Variants in KCNQ1 observed in about 807,000 individuals in gnomAD.
KCNQ1 encodes potassium voltage-gated channel subfamily KQT member 1.
Under a neutral mutation model 72.4 loss-of-function variants are expected in KCNQ1, and 49 were observed. The ratio of observed to expected loss-of-function variants is 0.68; its 90% CI spans 0.54 to 0.86. The LOEUF is 0.86. KCNQ1 is among the 40% of genes least tolerant of loss of function. KCNQ1 has a pLI of 0.00. For synonymous variants in KCNQ1, 450 were observed against 412.6 expected (o/e 1.09, Z -1.10); for missense variants, 790 against 945.1 (o/e 0.84, Z 2.15).
intron 11 of KCNQ1, among the ~76,000 whole-genome samples, chr11:2,730,440 G>A (rs1273243989): frequency 6.6e-6 from 1 of 152,194 alleles, no homozygotes; most frequent in Non-Finnish European, 1.5e-5. Flanking sequence ...ACCTCCCTTG[G>A]CTTGTGGCCT....
At chr11:2,584,137 T>C (rs1299888593) in intron 7 of KCNQ1, among the ~76,000 whole-genome samples, 1 of 152,228 alleles carries the variant, frequency 6.6e-6, no homozygotes, top group Non-Finnish European at 1.5e-5. Context: ...TGTATACATA[T>C]TGTATGTGCA....
At chr11:2,591,029 C>T (rs186036127) in intron 10 of KCNQ1, among the ~76,000 whole-genome samples, 56 of 152,400 alleles carry the variant, frequency 3.7e-4, no homozygotes, top group African/African-American at 1.3e-3. Context: ...TTGGTCATTT[C>T]TGCATCCATC....
chr11:2,662,736 C>A, intron 11 of KCNQ1: 1 of 400,328 alleles, frequency 2.5e-6, no homozygotes, highest in South Asian at 1.3e-4. Context: ...CCATTCTGGC[C>A]ACAGTCCCAT....
intron 11 of KCNQ1, among the ~76,000 whole-genome samples, chr11:2,731,410 C>A (rs1019206215): frequency 6.6e-6 from 1 of 152,212 alleles, no homozygotes; most frequent in African/African-American, 2.4e-5. Flanking sequence ...TGTGTGTCAG[C>A]GGGAGAGGCC....
intron 10 of KCNQ1, chr11:2,629,079 T>C (rs2133813693): frequency 5.0e-6 from 2 of 398,258 alleles, no homozygotes; most frequent in East Asian, 7.1e-5. Flanking sequence ...TTAAGGTCTT[T>C]TGTAGTTTCT....
At chr11:2,672,144 C>T (rs1306744697) in intron 11 of KCNQ1, 2 of 398,604 alleles carry the variant, frequency 5.0e-6, no homozygotes, top group Non-Finnish European at 8.8e-6. Flanking sequence ...CTCTTTGGGC[C>T]TTTCAAAGTT....
Position 2,588,617 on chromosome 11 carries a change from C to T in KCNQ1, c.1252-96C>T. On this transcript the variant is annotated intron_variant, in intron 9 of 15. Transcript: ENST00000155840. This position sits in a 1 kb window ranked among gnomAD's most constrained non-coding sequence, Gnocchi z 5.6. ...CCTGTCCGGGTGTATGTGGCGGGGG[C>T]TGGGCTCGGGGCGGCTGCACAGGCA... The T allele has an allele frequency of 6.7e-7, 1 of 1,493,260 alleles. No homozygotes were observed. The highest frequency in any genetic ancestry group is 9.2e-7 in the Non-Finnish European group (1 of 1,084,798). 92.5% of individuals were successfully genotyped at this position (1,493,260 alleles called of 1,614,324 possible).
chr11:2,629,053 A>G lies in KCNQ1; in HGVS notation c.1394-32908A>G, dbSNP rs543569202. 1.3e-5 allele frequency: 5 copies of G among 398,234 alleles called. No homozygotes were observed. The South Asian group carries it at 6.4e-4, about 51-fold the overall frequency. The allele number at this position is 398,234 out of a possible 1,614,324, so 24.7% of individuals were successfully genotyped here. On this transcript the variant is annotated intron_variant, in intron 10 of 15. Coordinates refer to ENST00000155840, the MANE Select transcript of KCNQ1 (RefSeq NM_000218.3). The stretch of plus-strand genomic sequence containing the variant: ...TCTTTCACTTTGTTCTTATTGCTCA[A>G]GTATGCTTTAGATCTTTAAGGTCTT...
intron 15 of KCNQ1, among the ~76,000 whole-genome samples, chr11:2,791,224 C>T (rs375488467): frequency 6.6e-6 from 1 of 152,180 alleles, no homozygotes; most frequent in Non-Finnish European, 1.5e-5. Flanking sequence ...GGACGGTGGC[C>T]GGAGCCCGCA....
chr11:2,461,392 A>G (rs1056828058), intron 1 of KCNQ1: 10 of 1,260,612 alleles, frequency 7.9e-6, no homozygotes, highest in Non-Finnish European at 9.2e-6. Context: ...TGTGGAGGAG[A>G]TAAGCCTGCT....
At chr11:2,644,171 AT>A (rs1849627202) in intron 10 of KCNQ1, 1 of 398,432 alleles carries the variant, frequency 2.5e-6, no homozygotes, top group Non-Finnish European at 4.4e-6. Context: ...GTATTATTTC[AT>A]TAAATAGGTT....
intron 15 of KCNQ1, among the ~76,000 whole-genome samples, chr11:2,812,333 C>T (rs1354259477): frequency 6.6e-6 from 1 of 152,158 alleles, no homozygotes; most frequent in East Asian, 1.9e-4. Flanking sequence ...CTCTCTGCTT[C>T]CTTCTCTCCT....
intron 11 of KCNQ1, chr11:2,696,928 C>A (rs150862154): frequency 5.0e-6 from 2 of 398,244 alleles, no homozygotes; most frequent in African/African-American, 4.1e-5. Context: ...TCCAAAACCT[C>A]TCTGAAATCT....
rs1849827006 is a variant in KCNQ1 at position 2,655,370 on chromosome 11, T to C, written c.1394-6591T>C. 1.3e-5 allele frequency: 5 copies of C among 398,642 alleles called. No homozygotes were observed. The East Asian group carries it at 1.4e-4, about 11-fold the overall frequency. The allele number at this position is 398,642 out of a possible 1,614,324, so 24.7% of individuals were successfully genotyped here. ...AAAGCATCAAAAACCAGGACTGTCT[T>C]AGGAAAGTGTGACTTCATTGTCACC... On this transcript the variant is annotated intron_variant, in intron 10 of 15. Coordinates refer to ENST00000155840, the MANE Select transcript of KCNQ1 (RefSeq NM_000218.3).
rs76092236 is a variant in KCNQ1 at position 2,787,270 on chromosome 11, A to G, written c.1794+9233A>G. 0.033 allele frequency among the ~76,000 whole-genome samples: 4,989 copies of G among 152,194 alleles called. 272 individuals carry two copies. Among genetic ancestry groups the G allele is most frequent in the African/African-American group, 0.11 (4,670 of 41,514 alleles). On this transcript the variant is annotated intron_variant, in intron 15 of 15. Transcript: ENST00000155840. This position sits in a 1 kb window ranked among gnomAD's most constrained non-coding sequence, Gnocchi z 6.3. ...CTTCTCAGGGAGTAGGAGATTTTTC[A>G]TTGGCCCTCACAATGAAAGCAGAGC...
Position 2,445,098 on chromosome 11 carries a change from T to G in KCNQ1, c.-1T>G. 1 of 1,077,944 alleles carries G rather than the reference T, an allele frequency of 9.3e-7. No individual in the cohort carries two copies. Among genetic ancestry groups the G allele is most frequent in the Admixed American group, 5.3e-5 (1 of 18,764 alleles). 66.8% of individuals were successfully genotyped at this position (1,077,944 alleles called of 1,614,324 possible). On this transcript the variant is annotated 5_prime_UTR_variant, in exon 1 of 16. Transcript: ENST00000155840. ...CGGCCCCCCGGCAGGCCCTCCTCGT[T>G]ATGGCCGCGGCCTCCTCCCCGCCCA...
In KCNQ1 at chr11:2,447,553, C is replaced by T. The variant is rs1012057543; in HGVS notation, c.386+2069C>T. On this transcript the variant is annotated intron_variant, in intron 1 of 15. Coordinates refer to ENST00000155840, the MANE Select transcript of KCNQ1 (RefSeq NM_000218.3). This position sits in a 1 kb window ranked among gnomAD's most constrained non-coding sequence, Gnocchi z 7.6. ...CACCCTCAGTGCCCTAGGAGGTTGG[C>T]AGGACCAGTCTCTTGAGGGGAGACC... Among the ~76,000 whole-genome samples, 3 of 152,054 alleles carry T rather than the reference C, an allele frequency of 2.0e-5. No individual in the cohort carries two copies. Among genetic ancestry groups the T allele is most frequent in the Non-Finnish European group, 4.4e-5 (3 of 68,006 alleles).
rs1372788624 is a variant in KCNQ1, at chr11:2,700,668, G to A, written c.1514+38587G>A. ...CCCTGAGGACTTGGGACCTCAGGGG[G>A]TGAGTGGCAGGGGTGGCCGGGACAT... On this transcript the variant is annotated intron_variant, in intron 11 of 15. Transcript: ENST00000155840. Among the ~76,000 whole-genome samples, 7 of 152,124 alleles carry A rather than the reference G, an allele frequency of 4.6e-5. No homozygotes were observed. The South Asian group carries it at 1.2e-3, about 27-fold the overall frequency.
intron 11 of KCNQ1, chr11:2,686,811 T>C: frequency 2.5e-6 from 1 of 398,648 alleles, no homozygotes; most frequent in Non-Finnish European, 4.4e-6. Flanking sequence ...TGCTCACCCC[T>C]AAAGAGCAGC....
Sources: allele counts gnomAD v4.1 joint callset (sites outside exome capture counted in the v4.1 genomes callset), GRCh38; gene constraint gnomAD v4.1.1; non-coding constraint Gnocchi (gnomAD v3.1); transcripts MANE v1.5; gene names NCBI Gene and HGNC (gene_info 2026-07-23, HGNC 2026-07-21).